GALNT13: variants seen among roughly 807,000 people sequenced by gnomAD.
The protein encoded by GALNT13 is polypeptide N-acetylgalactosaminyltransferase 13, also known as UDP-GalNAc:polypeptide N-acetylgalactosaminyltransferase 13.
Under a neutral mutation model 64.2 loss-of-function variants are expected in GALNT13, and 28 were observed. That is an observed-to-expected ratio of 0.44 (90% CI 0.32 to 0.60). GALNT13 has a LOEUF of 0.60. Among genes scored for constraint, GALNT13 ranks in the 20% least tolerant of loss-of-function variants. GALNT13 has a pLI of 0.05. For missense variants in GALNT13, 577 were observed against 669.8 expected, an observed-to-expected ratio of 0.86 and a Z score of 1.53; for synonymous variants, 214 against 224.6, an observed-to-expected ratio of 0.95 and a Z score of 0.42.
At chr2:153,753,492 C>G in the GALNT13 span, among the ~76,000 whole-genome samples, 1 of 152,176 alleles carries the variant, frequency 6.6e-6, no homozygotes, top group Non-Finnish European at 1.5e-5. Context: ...CTTGTAGATG[C>G]GCTGAGGTCC....
At chr2:153,533,477 C>T in the GALNT13 span, among the ~76,000 whole-genome samples, 79 of 152,050 alleles carry the variant, frequency 5.2e-4, no homozygotes, top group East Asian at 0.013. Flanking sequence ...GTCTCAAACT[C>T]CTGACCTCAG....
chr2:153,095,805 G>C, the GALNT13 span, among the ~76,000 whole-genome samples: 2 of 151,914 alleles, frequency 1.3e-5, no homozygotes, highest in African/African-American at 4.8e-5. Context: ...CCAAACACTG[G>C]ATGTTCTCAC....
intron 4 of GALNT13, among the ~76,000 whole-genome samples, chr2:154,234,865 T>C (rs1332191199): frequency 6.6e-6 from 1 of 152,106 alleles, no homozygotes; most frequent in Non-Finnish European, 1.5e-5. Context: ...TCTGTTCTAC[T>C]TTTAAAGAAT....
intron 9 of GALNT13, among the ~76,000 whole-genome samples, chr2:154,379,453 T>C (rs1306356196): frequency 2.6e-5 from 4 of 152,070 alleles, no homozygotes; most frequent in Non-Finnish European, 5.9e-5. Context: ...TAAGTGCAAA[T>C]AATTTTAAAG....
chr2:154,432,380 G>T, intron 11 of GALNT13, among the ~76,000 whole-genome samples: 1 of 152,156 alleles, frequency 6.6e-6, no homozygotes, highest in Non-Finnish European at 1.5e-5. Flanking sequence ...TGCAAAATTT[G>T]CAAAGACACT....
chr2:153,287,535 G>C, the GALNT13 span, among the ~76,000 whole-genome samples: 13 of 152,200 alleles, frequency 8.5e-5, no homozygotes, highest in East Asian at 2.3e-3. Flanking sequence ...ATGGTGAGCC[G>C]GAAGAGGAAT....
the GALNT13 span, among the ~76,000 whole-genome samples, chr2:153,509,866 G>A: frequency 1.3e-5 from 2 of 152,256 alleles, no homozygotes; most frequent in African/African-American, 4.8e-5. Flanking sequence ...TTCATTAATT[G>A]GTGATGGAAA....
At chr2:154,437,030 C>T (rs1307076590) in intron 11 of GALNT13, 1 of 152,218 alleles carries the variant, frequency 6.6e-6, no homozygotes, top group Non-Finnish European at 1.5e-5. Context: ...GTAGTGGGGA[C>T]AACAGGCGTG....
the GALNT13 span, among the ~76,000 whole-genome samples, chr2:153,837,465 G>C: frequency 6.6e-6 from 1 of 151,890 alleles, no homozygotes; most frequent in Non-Finnish European, 1.5e-5. Context: ...TATGAGTTCA[G>C]CATTTTTAGA....
chr2:153,479,151 T>A, the GALNT13 span, among the ~76,000 whole-genome samples: 4 of 152,310 alleles, frequency 2.6e-5, no homozygotes, highest in African/African-American at 9.6e-5. Flanking sequence ...CTTTGCCTGC[T>A]GCCCCCCTGA....
chr2:153,676,700 CATGG>C, the GALNT13 span, among the ~76,000 whole-genome samples: 1 of 152,038 alleles, frequency 6.6e-6, no homozygotes, highest in Admixed American at 6.6e-5. Context: ...AGGCTTTCTC[CATGG>C]ATGCAAGGAT....
chr2:153,966,459 G>A (rs1693356211), intron 3 of GALNT13, among the ~76,000 whole-genome samples: 1 of 151,132 alleles, frequency 6.6e-6, no homozygotes, highest in Non-Finnish European at 1.5e-5. Flanking sequence ...TCCGCCTGCC[G>A]GGTTCACGCC....
At chr2:153,519,558 T>C in the GALNT13 span, among the ~76,000 whole-genome samples, 123 of 152,310 alleles carry the variant, frequency 8.1e-4, no homozygotes, top group Non-Finnish European at 1.3e-3. Context: ...TGCTTGTATG[T>C]CATCTATAAA....
chr2:154,085,909 T>A lies in GALNT13; in HGVS notation c.143-54428T>A, dbSNP rs538651937. On this transcript the variant is annotated intron_variant, in intron 3 of 12. Transcript: ENST00000392825. ...TGGGGCTCCATCTCTACAGAAAAAA[T>A]TAAAATAAAAAATAAACGTAAAAAA... 5.8e-3 allele frequency among the ~76,000 whole-genome samples: 820 copies of A among 141,132 alleles called. 4 individuals carry two copies. Among genetic ancestry groups the A allele is most frequent in the Middle Eastern group, 0.011 (3 of 284 alleles). 92.6% of individuals were successfully genotyped at this position (141,132 alleles called of 152,430 possible).
At chr2:154,035,364 C>T (rs867917558) in intron 3 of GALNT13, among the ~76,000 whole-genome samples, 3 of 151,958 alleles carry the variant, frequency 2.0e-5, no homozygotes, top group South Asian at 2.1e-4. Context: ...ATCAAATGGA[C>T]GTTGAAATTT....
chr2:153,442,360 G>A, the GALNT13 span, among the ~76,000 whole-genome samples: 1 of 152,208 alleles, frequency 6.6e-6, no homozygotes. Context: ...GTGTTTTATT[G>A]AGGATTTTTG....
chr2:154,334,826 T>C (rs1477960701), intron 9 of GALNT13, among the ~76,000 whole-genome samples: 4 of 152,012 alleles, frequency 2.6e-5, no homozygotes, highest in Non-Finnish European at 4.4e-5. Context: ...ATTTTCCACC[T>C]GTTTCCTTAA....
chr2:153,525,677 T>A, the GALNT13 span, among the ~76,000 whole-genome samples: 3 of 151,232 alleles, frequency 2.0e-5, no homozygotes, highest in African/African-American at 7.3e-5. Flanking sequence ...GAAAAAATAA[T>A]GTGTTCCATG....
chr2:153,250,499 A>G, the GALNT13 span, among the ~76,000 whole-genome samples: 1 of 152,214 alleles, frequency 6.6e-6, no homozygotes, highest in Non-Finnish European at 1.5e-5. Context: ...TAGAACCAGA[A>G]ATACCATTTG....
Sources: allele counts gnomAD v4.1 joint callset (sites outside exome capture counted in the v4.1 genomes callset), GRCh38; gene constraint gnomAD v4.1.1; transcripts MANE v1.5; gene names NCBI Gene and HGNC (gene_info 2026-07-23, HGNC 2026-07-21).